Variants in KCNQ2 observed in about 807,000 individuals in gnomAD.
The protein encoded by KCNQ2 is potassium voltage-gated channel subfamily KQT member 2.
Under a neutral mutation model 84.8 loss-of-function variants are expected in KCNQ2, and 14 were observed. The observed-to-expected ratio is 0.17, with a 90% CI of 0.11 to 0.26. The LOEUF is 0.26. Among genes scored for constraint, KCNQ2 ranks in the 10% least tolerant of loss-of-function variants. KCNQ2 has a pLI of 1.00. For missense variants in KCNQ2, 788 were observed against 1,254.0 expected (o/e 0.63, Z 5.61); for synonymous variants, 599 against 554.1 (o/e 1.08, Z -1.14).
chr20:63,453,341 G>A (rs6062452), intron 1 of KCNQ2, among the ~76,000 whole-genome samples: 4,593 of 152,338 alleles, frequency 0.03, 97 homozygotes, highest in Middle Eastern at 0.054. Flanking sequence ...GCTGGCAGTG[G>A]TGCCGAGGCC....
At position 63,404,348 on chromosome 20, in the gene KCNQ2, TTGGGGGGGGAGGAAAGAGCAGGTGG is replaced by T. The variant is rs1405928278; in HGVS notation, c.*2271_*2295del. 6.3e-5 allele frequency: 8 copies of T among 126,120 alleles called. No individual in the cohort carries two copies. Among genetic ancestry groups the T allele is most frequent in the African/African-American group, 2.7e-4 (8 of 29,660 alleles). 7.8% of individuals were successfully genotyped at this position (126,120 alleles called of 1,614,324 possible). ...AGGAAAGAACAGGTGGGGCCACACC[TTGGGGGGGGAGGAAAGAGCAGGTGG>T]GGCCATACTGGTGGGGGAGGAAAGA... On this transcript the variant is annotated 3_prime_UTR_variant, in exon 17 of 17. Transcript: ENST00000359125.
chr20:63,411,864 ACC>A (rs757249828), intron 15 of KCNQ2: 1 of 710,176 alleles, frequency 1.4e-6, no homozygotes, highest in African/African-American at 1.8e-5. Flanking sequence ...GGGGCGGGGG[ACC>A]CACAATCATA....
chr20:63,436,116 T>C (rs2080993445), intron 7 of KCNQ2, among the ~76,000 whole-genome samples: 1 of 152,166 alleles, frequency 6.6e-6, no homozygotes, highest in South Asian at 2.1e-4. Context: ...GAGGACTGAC[T>C]GCGATGCTGA....
chr20:63,452,609 G>A (rs993787352), intron 1 of KCNQ2, among the ~76,000 whole-genome samples: 3 of 152,244 alleles, frequency 2.0e-5, no homozygotes, highest in Non-Finnish European at 4.4e-5. Context: ...CGGGCTGGGA[G>A]AGGACACAGG....
At chr20:63,462,318 C>T (rs2081977512) in intron 1 of KCNQ2, among the ~76,000 whole-genome samples, 1 of 150,732 alleles carries the variant, frequency 6.6e-6, no homozygotes, top group South Asian at 2.1e-4. Flanking sequence ...GTGGCACCTA[C>T]CCCAGGCAGC....
rs2080196779 is a variant in KCNQ2 at position 63,413,696 on chromosome 20, C to A, written c.1632-115G>T. On this transcript the variant is annotated intron_variant, in intron 14 of 16. Transcript: ENST00000359125. ...CGCCTGGAGATGGCTGGACTTGCCC[C>A]TCTTGTCTGCCGCCCACCAGCTCCA... 5.4e-6 allele frequency: 6 copies of A among 1,121,222 alleles called. No individual in the cohort carries two copies. In the South Asian group the frequency reaches 8.9e-5, roughly 17 times the overall value. The allele number at this position is 1,121,222 out of a possible 1,614,324, so 69.5% of individuals were successfully genotyped here.
chr20:63,439,735 C>T (rs764858877), intron 5 of KCNQ2, 27 bp from the exon 6 acceptor site: 8 of 1,540,530 alleles, frequency 5.2e-6, no homozygotes, highest in Non-Finnish European at 7.2e-6. Flanking sequence ...TCTAGTCACA[C>T]GAAGGGCCTG....
intron 5 of KCNQ2, 24 bp downstream of exon 5, chr20:63,442,382 A>C (rs1408680314): frequency 1.2e-6 from 2 of 1,613,674 alleles, no homozygotes; most frequent in Non-Finnish European, 1.7e-6. Context: ...AGGGAAAGGG[A>C]AAACCACAAT....
At position 63,414,282 on chromosome 20, in the gene KCNQ2, G is replaced by T. The variant is rs568802884; in HGVS notation, c.1526-89C>A. On this transcript the variant is annotated intron_variant, in intron 13 of 16. Transcript: ENST00000359125. The surrounding 1 kb of genome is among the most constrained non-coding windows in gnomAD (Gnocchi z 6.6). ...GCAGGGCACACCGGCTAGACAGAGC[G>T]CCAGGGAGCCCCTCGAGGCTCCCTG... 3 of 962,806 alleles carry T rather than the reference G, an allele frequency of 3.1e-6. No homozygotes were observed. Among genetic ancestry groups the T allele is most frequent in the Non-Finnish European group, 5.0e-6 (3 of 604,616 alleles). The allele number at this position is 962,806 out of a possible 1,614,324, so 59.6% of individuals were successfully genotyped here.
rs868174673 is a variant in KCNQ2 at position 63,406,385 on chromosome 20, A to G, written c.*259T>C. ...GGCCGCGGCCCTGAGCAGAGTGGAC[A>G]GGGCAGCCTTGCTCCTGCACGCTGC... On this transcript the variant is annotated 3_prime_UTR_variant, in exon 17 of 17. Coordinates refer to ENST00000359125, the MANE Select transcript of KCNQ2 (RefSeq NM_172107.4). The G allele has an allele frequency of 2.2e-5, 11 of 507,822 alleles. No homozygotes were observed. The highest frequency in any genetic ancestry group is 1.3e-4 in the South Asian group (5 of 39,526). The allele number at this position is 507,822 out of a possible 1,614,324, so 31.5% of individuals were successfully genotyped here.
chr20:63,413,126 A>C (rs886427488), intron 15 of KCNQ2: 7 of 395,224 alleles, frequency 1.8e-5, no homozygotes, highest in African/African-American at 1.4e-4. Context: ...GCATACAACC[A>C]CACACATACA....
chr20:63,428,974 G>T (rs902974240), intron 9 of KCNQ2, among the ~76,000 whole-genome samples: 1 of 152,050 alleles, frequency 6.6e-6, no homozygotes, highest in Non-Finnish European at 1.5e-5. Flanking sequence ...AGGCCCAGAT[G>T]CCTTGGGAAT....
At chr20:63,434,953 G>C (rs2080947232) in intron 7 of KCNQ2, among the ~76,000 whole-genome samples, 1 of 152,226 alleles carries the variant, frequency 6.6e-6, no homozygotes, top group Non-Finnish European at 1.5e-5. Flanking sequence ...TATACCTAGA[G>C]GTAGAATGGC....
intron 1 of KCNQ2, among the ~76,000 whole-genome samples, chr20:63,459,733 A>G (rs1263243377): frequency 6.6e-6 from 1 of 152,158 alleles, no homozygotes; most frequent in African/African-American, 2.4e-5. Context: ...GCATGTTAGG[A>G]TAATTTAACC....
At position 63,412,544 on chromosome 20, in the gene KCNQ2, G is replaced by A. The variant is rs536834098; in HGVS notation, c.1763+906C>T. ...CAGGAGTGGGCTAAGGCCTGGAGGC[G>A]CCCCTTCCCTGGCCCCCTGAAGCAG... On this transcript the variant is annotated intron_variant, in intron 15 of 16. Transcript: ENST00000359125. Among the ~76,000 whole-genome samples the A allele has an allele frequency of 1.1e-4, 17 of 152,314 alleles. No individual in the cohort carries two copies. The South Asian group carries it at 3.1e-3, about 28-fold the overall frequency.
intron 2 of KCNQ2, 87 bp from the exon 3 acceptor site, chr20:63,445,451 C>A (rs1028707610): frequency 2.6e-6 from 4 of 1,512,828 alleles, no homozygotes; most frequent in Admixed American, 1.8e-5. Context: ...CAGTTCTGGC[C>A]CAGGGACCAA....
At chr20:63,470,903 G>C (rs1341812868) in intron 1 of KCNQ2, 1 of 152,188 alleles carries the variant, frequency 6.6e-6, no homozygotes, top group Non-Finnish European at 1.5e-5. Flanking sequence ...CCAGGAGGTC[G>C]GAGAAGCTTC....
intron 1 of KCNQ2, 59 bp downstream of exon 1, chr20:63,472,109 T>A: frequency 7.8e-7 from 1 of 1,276,748 alleles, no homozygotes; most frequent in Non-Finnish European, 1.1e-6. Context: ...GGGTCGCCGA[T>A]GGGGTCGCCG....
chr20:63,435,028 G>T (rs2080951615), intron 7 of KCNQ2, among the ~76,000 whole-genome samples: 1 of 152,310 alleles, frequency 6.6e-6, no homozygotes, highest in East Asian at 1.9e-4. Flanking sequence ...TTTCCAGGGT[G>T]ACTGCATCGC....
Sources: gnomAD v4.1 joint callset for allele counts (sites outside exome capture counted in the v4.1 genomes callset) on GRCh38, gnomAD v4.1.1 for gene constraint, Gnocchi (gnomAD v3.1) non-coding constraint, MANE v1.5 for transcripts, NCBI Gene and HGNC (gene_info 2026-07-23, HGNC 2026-07-21) for gene names.